The following HYCC2 variants were observed in gnomAD, a reference collection of about 807,000 sequenced individuals.
HYCC2 encodes the protein hyccin 2.
the HYCC2 span, among the ~76,000 whole-genome samples, chr2:201,051,016 A>G: frequency 6.6e-6 from 1 of 152,170 alleles, no homozygotes; most frequent in African/African-American, 2.4e-5. Context: ...AAAATCACAC[A>G]CTAATTTCTC....
At chr2:201,023,601 A>G in the HYCC2 span, 1 of 160,856 alleles carries the variant, frequency 6.2e-6, no homozygotes, top group East Asian at 1.8e-4. Flanking sequence ...TTTTCCATAA[A>G]AACTATTTGA....
the HYCC2 span, among the ~76,000 whole-genome samples, chr2:201,033,167 G>GTC: frequency 7.1e-6 from 1 of 141,326 alleles, no homozygotes; most frequent in Non-Finnish European, 1.5e-5. Flanking sequence ...GTATGTGTGT[G>GTC]TGTGTGTGTG....
At chr2:201,037,756 G>T in the HYCC2 span, among the ~76,000 whole-genome samples, 5 of 152,146 alleles carry the variant, frequency 3.3e-5, no homozygotes, top group African/African-American at 9.7e-5. Context: ...ATGGATTAAA[G>T]ACTTAAATGT....
the HYCC2 span, among the ~76,000 whole-genome samples, chr2:201,069,443 G>C: frequency 1.3e-5 from 2 of 151,690 alleles, no homozygotes; most frequent in African/African-American, 2.4e-5. Flanking sequence ...TTTCCTACTC[G>C]ATACTCAACT....
the HYCC2 span, among the ~76,000 whole-genome samples, chr2:200,994,133 GGTGA>G: frequency 1.6e-4 from 24 of 152,150 alleles, no homozygotes; most frequent in East Asian, 4.1e-3. Flanking sequence ...AATGGATGAT[GGTGA>G]GTATCACACC....
At chr2:200,986,718 G>A in the HYCC2 span, among the ~76,000 whole-genome samples, 2 of 152,046 alleles carry the variant, frequency 1.3e-5, no homozygotes, top group African/African-American at 4.8e-5. Flanking sequence ...ACAATAAATT[G>A]TAAAATGTAC....
the HYCC2 span, among the ~76,000 whole-genome samples, chr2:201,013,163 A>G: frequency 0.029 from 4,333 of 152,012 alleles, 217 homozygotes; most frequent in African/African-American, 0.1. Context: ...GAGTAGCTGC[A>G]TGGCCTAAAA....
chr2:200,988,275 T>A, the HYCC2 span: 1 of 1,610,482 alleles, frequency 6.2e-7, no homozygotes, highest in Non-Finnish European at 8.5e-7. Flanking sequence ...CTCTTCTCCA[T>A]CTATGACGAC....
At chr2:201,064,653 C>T in the HYCC2 span, among the ~76,000 whole-genome samples, 1 of 152,034 alleles carries the variant, frequency 6.6e-6, no homozygotes, top group South Asian at 2.1e-4. Context: ...ACATCCTATG[C>T]AATATATCTA....
the HYCC2 span, among the ~76,000 whole-genome samples, chr2:201,066,379 G>A: frequency 6.6e-6 from 1 of 152,004 alleles, no homozygotes; most frequent in African/African-American, 2.4e-5. Context: ...CAGCCACTAT[G>A]TTTTCTATTT....
At chr2:201,025,293 T>C in the HYCC2 span, among the ~76,000 whole-genome samples, 1 of 152,140 alleles carries the variant, frequency 6.6e-6, no homozygotes, top group Non-Finnish European at 1.5e-5. Flanking sequence ...GTTCATTCCA[T>C]AAATATTTCT....
At chr2:201,068,283 G>A in the HYCC2 span, among the ~76,000 whole-genome samples, 26 of 151,072 alleles carry the variant, frequency 1.7e-4, no homozygotes, top group Non-Finnish European at 3.4e-4. Flanking sequence ...GTGAAACTAC[G>A]TCTCAAAAAA....
chr2:201,004,381 G>A, the HYCC2 span, among the ~76,000 whole-genome samples: 1 of 152,204 alleles, frequency 6.6e-6, no homozygotes, highest in Admixed American at 6.5e-5. Context: ...TCCATGAAAT[G>A]AGTGGACATG....
chr2:201,069,991 T>G, the HYCC2 span, among the ~76,000 whole-genome samples: 1 of 152,296 alleles, frequency 6.6e-6, no homozygotes, highest in East Asian at 1.9e-4. Context: ...TTGCTGACAC[T>G]ACATTAGACC....
chr2:200,980,157 T>G, the HYCC2 span: 1 of 152,638 alleles, frequency 6.6e-6, no homozygotes, highest in Non-Finnish European at 1.5e-5. Context: ...ATGTAATGTA[T>G]CAGGACTTTA....
the HYCC2 span, among the ~76,000 whole-genome samples, chr2:201,069,539 AAGAAACAC>A: frequency 9.3e-6 from 1 of 107,270 alleles, no homozygotes; most frequent in East Asian, 2.6e-4. Flanking sequence ...GTTACATAAG[AAGAAACAC>A]ACACACACAC....
At chr2:201,008,765 G>GA in the HYCC2 span, among the ~76,000 whole-genome samples, 1 of 152,116 alleles carries the variant, frequency 6.6e-6, no homozygotes, top group Non-Finnish European at 1.5e-5. Flanking sequence ...AGGCATGGTG[G>GA]TGTACACCTG....
At chr2:201,064,967 G>A in the HYCC2 span, among the ~76,000 whole-genome samples, 4 of 152,100 alleles carry the variant, frequency 2.6e-5, no homozygotes, top group East Asian at 5.8e-4. Context: ...AGTCTACAAA[G>A]TTTACTCAGA....
the HYCC2 span, among the ~76,000 whole-genome samples, chr2:201,025,438 G>A: frequency 1.4e-5 from 2 of 148,068 alleles, no homozygotes; most frequent in African/African-American, 5.0e-5. Context: ...GAGATGAAGG[G>A]AAAGAAAGAA....
Sources: gnomAD v4.1 joint callset for allele counts (sites outside exome capture counted in the v4.1 genomes callset) on GRCh38, gnomAD v4.1.1 for gene constraint, MANE v1.5 for transcripts, NCBI Gene and HGNC (gene_info 2026-07-23, HGNC 2026-07-21) for gene names.